Variants in PXDNL observed in about 807,000 individuals in gnomAD.
PXDNL encodes peroxidasin like.
Under a neutral mutation model 150.8 loss-of-function variants are expected in PXDNL, and 145 were observed. That is an observed-to-expected ratio of 0.96 (90% CI 0.84 to 1.10). PXDNL has a LOEUF of 1.10. Ranked by LOEUF, PXDNL falls within the 50% of genes least tolerant of loss-of-function variation. PXDNL has a pLI of 0.00. For missense variants in PXDNL, 2,087 were observed against 1,873.9 expected (o/e 1.11, Z -2.10); for synonymous variants, 757 against 725.7 (o/e 1.04, Z -0.69).
chr8:51,479,916 A>G (rs943908907), intron 6 of PXDNL, among the ~76,000 whole-genome samples: 2 of 152,186 alleles, frequency 1.3e-5, no homozygotes, highest in Non-Finnish European at 2.9e-5. Flanking sequence ...AAGACTTTTG[A>G]GGGCTTGGAT....
chr8:51,664,057 A>C (rs1563499919), intron 1 of PXDNL, among the ~76,000 whole-genome samples: 1 of 151,714 alleles, frequency 6.6e-6, no homozygotes. Context: ...TCTCAAAAAA[A>C]AAAAAAAAAA....
chr8:51,380,641 G>A (rs890251810), intron 17 of PXDNL, among the ~76,000 whole-genome samples: 1 of 151,994 alleles, frequency 6.6e-6, no homozygotes, highest in African/African-American at 2.4e-5. Context: ...TATCCTTTCT[G>A]ATCTTTATCT....
intron 2 of PXDNL, among the ~76,000 whole-genome samples, chr8:51,642,338 C>G (rs940472840): frequency 1.3e-5 from 2 of 151,530 alleles, no homozygotes; most frequent in Non-Finnish European, 2.9e-5. Context: ...GCACATGTAC[C>G]CTAAAACTTA....
chr8:51,782,054 G>A (rs1478191509), intron 1 of PXDNL, among the ~76,000 whole-genome samples: 1 of 151,586 alleles, frequency 6.6e-6, no homozygotes, highest in Admixed American at 6.6e-5. Context: ...AACACAGTAG[G>A]GTGGCTGTTC....
intron 5 of PXDNL, among the ~76,000 whole-genome samples, chr8:51,498,923 C>T (rs1043329279): frequency 7.9e-5 from 12 of 152,256 alleles, no homozygotes; most frequent in Admixed American, 1.3e-4. Context: ...TATGAATATA[C>T]AACAGCTTAT....
chr8:51,326,485 C>T (rs1805494649), intron 21 of PXDNL, among the ~76,000 whole-genome samples: 1 of 152,120 alleles, frequency 6.6e-6, no homozygotes, highest in African/African-American at 2.4e-5. Flanking sequence ...GTGAGTGAGA[C>T]TCAGTCTCAG....
chr8:51,658,207 T>C (rs1446097105), intron 1 of PXDNL, among the ~76,000 whole-genome samples: 5 of 151,382 alleles, frequency 3.3e-5, no homozygotes, highest in African/African-American at 1.2e-4. Flanking sequence ...CCAGGCATGG[T>C]GGTACACACC....
intron 1 of PXDNL, among the ~76,000 whole-genome samples, chr8:51,756,509 C>CTA (rs947253305): frequency 6.6e-6 from 1 of 151,688 alleles, no homozygotes; most frequent in African/African-American, 2.4e-5. Context: ...CATAGAAAAC[C>CTA]TATGATTAAG....
At chr8:51,684,432 C>T (rs1310804939) in intron 1 of PXDNL, among the ~76,000 whole-genome samples, 1 of 152,154 alleles carries the variant, frequency 6.6e-6, no homozygotes, top group Non-Finnish European at 1.5e-5. Flanking sequence ...AGACATTAAT[C>T]GATGTGGAAA....
Position 51,768,103 on chromosome 8 carries a change from T to C in PXDNL, c.164+41078A>G, listed in dbSNP as rs117595075. On this transcript the variant is annotated intron_variant, in intron 1 of 22. Transcript: ENST00000356297. The stretch of plus-strand genomic sequence containing the variant: ...GGAGCTGGGGTGAAAATGAAGGGGA[T>C]CAGCTAAGTTAAAACATCACAAAGC... 7.3e-4 allele frequency among the ~76,000 whole-genome samples: 111 copies of C among 152,324 alleles called. 1 individual carries two copies. The East Asian group carries it at 0.019, about 26-fold the overall frequency.
At chr8:51,619,559 C>T (rs944419041) in intron 2 of PXDNL, among the ~76,000 whole-genome samples, 1 of 152,128 alleles carries the variant, frequency 6.6e-6, no homozygotes, top group Admixed American at 6.6e-5. Flanking sequence ...GTGCTCCTCT[C>T]ATGATACTGA....
rs180899408 is a variant in PXDNL at position 51,592,654 on chromosome 8, A to G, written c.281T>C (p.Phe94Ser). 1,645 of 1,548,946 alleles carry G rather than the reference A, an allele frequency of 1.1e-3. 5 individuals carry two copies. The highest frequency in any genetic ancestry group is 1.9e-3 in the South Asian group (157 of 83,574). The change falls in exon 3 of 23, where the codon TTT becomes TCT. Residue 94 changes from phenylalanine (F) to serine (S), a missense_variant. Phe to Ser is a radical substitution (Grantham distance 155, BLOSUM62 -2). Transcript: ENST00000356297. ...NHIRKISRNAFEGLENLLYLY... is the reference protein window; with the variant it reads ...NHIRKISRNASEGLENLLYLY... ...ATATAGCAAATTTTCAAGTCCTTCAAAAGCATTTCTGGAAATCTTTCTGAT... is the reference window on the plus strand; with the variant it reads ...ATATAGCAAATTTTCAAGTCCTTCAGAAGCATTTCTGGAAATCTTTCTGAT...
intron 17 of PXDNL, among the ~76,000 whole-genome samples, chr8:51,375,615 C>T (rs568665897): frequency 6.6e-6 from 1 of 152,318 alleles, no homozygotes; most frequent in Non-Finnish European, 1.5e-5. Flanking sequence ...TTTGTACTTT[C>T]TTCATTTTCT....
chr8:51,330,087 C>A (rs905192849), intron 21 of PXDNL, among the ~76,000 whole-genome samples: 2 of 152,142 alleles, frequency 1.3e-5, no homozygotes, highest in African/African-American at 4.8e-5. Context: ...CCATTCAGGC[C>A]TGAACAAATT....
At chr8:51,560,483 G>A (rs974411031) in intron 3 of PXDNL, among the ~76,000 whole-genome samples, 4 of 151,864 alleles carry the variant, frequency 2.6e-5, no homozygotes, top group Non-Finnish European at 5.9e-5. Flanking sequence ...AGACCAGTAG[G>A]AAGTCCACAA....
At chr8:51,415,917 A>G (rs562880433) in intron 14 of PXDNL, among the ~76,000 whole-genome samples, 1 of 152,212 alleles carries the variant, frequency 6.6e-6, no homozygotes, top group African/African-American at 2.4e-5. Context: ...AAACAATACT[A>G]TAAACATAGC....
chr8:51,681,271 C>T (rs915440131), intron 1 of PXDNL, among the ~76,000 whole-genome samples: 5 of 152,104 alleles, frequency 3.3e-5, no homozygotes, highest in African/African-American at 9.7e-5. Flanking sequence ...AGTCACCCTA[C>T]GGAAGTCCCC....
At position 51,413,206 on chromosome 8, in the gene PXDNL, A is replaced by G. The variant is rs114874273; in HGVS notation, c.1848T>C (p.Asp616=). Residue 616 remains aspartate, a synonymous_variant, in exon 15 of 23, where the codon GAT becomes GAC. Transcript: ENST00000356297. The stretch of plus-strand genomic sequence containing the variant: ...TTGCACTGTCAACTCTCTGTACAGC[A>G]TCAAGAATGGAAGATTCAACAAAGT... ...GDDFVESSIL[D]AVQRVDSAIN... The G allele has an allele frequency of 3.6e-4, 576 of 1,613,078 alleles. 2 individuals carry two copies. In the African/African-American group the frequency reaches 5.9e-3, roughly 16 times the overall value.
At chr8:51,534,380 G>A (rs1379073854) in intron 4 of PXDNL, among the ~76,000 whole-genome samples, 1 of 145,494 alleles carries the variant, frequency 6.9e-6, no homozygotes, top group Non-Finnish European at 1.5e-5. Flanking sequence ...CGCCAGGCCA[G>A]CCGCCCAGTC....
Sources: allele counts gnomAD v4.1 joint callset (sites outside exome capture counted in the v4.1 genomes callset), GRCh38; gene constraint gnomAD v4.1.1; transcripts MANE v1.5; gene names NCBI Gene and HGNC (gene_info 2026-07-23, HGNC 2026-07-21).